The following DGKB variants were observed in gnomAD, a reference collection of about 807,000 sequenced individuals.
The protein encoded by DGKB is diacylglycerol kinase beta.
DGKB carries 67 observed loss-of-function variants against 114.3 expected under a neutral mutation model. That is an observed-to-expected ratio of 0.59 (90% confidence interval 0.48 to 0.72). The LOEUF (loss-of-function observed/expected upper bound fraction) is 0.72, where lower values mean the gene tolerates loss of function less well. Among genes scored for constraint, DGKB ranks in the 30% least tolerant of loss-of-function variants. The probability of loss-of-function intolerance (pLI) is 0.00; values close to 1 mark genes in which losing one functional copy is unlikely to be tolerated. For synonymous variants in DGKB, 398 were observed against 323.1 expected (o/e 1.23, Z -2.49); for missense variants, 907 against 975.2 (o/e 0.93, Z 0.93).
chr7:14,662,212 A>AAAAAT (rs1817264898), intron 13 of DGKB, among the ~76,000 whole-genome samples: 1 of 151,920 alleles, frequency 6.6e-6, no homozygotes, highest in Admixed American at 6.6e-5. Context: ...TAATAATTAA[A>AAAAAT]AAAAATAAAA....
At chr7:14,410,802 AAGAT>A (rs1824747372) in intron 21 of DGKB, among the ~76,000 whole-genome samples, 2 of 11,228 alleles carry the variant, frequency 1.8e-4, no homozygotes, top group South Asian at 4.8e-3. Context: ...AAAATGATAA[AAGAT>A]AAGACTAGAT....
At chr7:14,447,671 G>A (rs765551154) in intron 21 of DGKB, among the ~76,000 whole-genome samples, 29 of 151,908 alleles carry the variant, frequency 1.9e-4, no homozygotes, top group Non-Finnish European at 2.8e-4. Flanking sequence ...AACATGTCCG[G>A]ATCTCACAGA....
chr7:14,661,381 A>G (rs962114907), intron 13 of DGKB, among the ~76,000 whole-genome samples: 1 of 144,716 alleles, frequency 6.9e-6, no homozygotes, highest in African/African-American at 2.5e-5. Context: ...AACCCCATCA[A>G]AAAGTGGGCG....
intron 1 of DGKB, among the ~76,000 whole-genome samples, chr7:14,918,008 C>T (rs537285236): frequency 1.3e-5 from 2 of 152,060 alleles, no homozygotes; most frequent in African/African-American, 4.8e-5. Flanking sequence ...AAAAATTATA[C>T]GATCATATTA....
At chr7:14,526,645 A>T (rs952570882) in intron 20 of DGKB, among the ~76,000 whole-genome samples, 1 of 152,190 alleles carries the variant, frequency 6.6e-6, no homozygotes, top group Non-Finnish European at 1.5e-5. Context: ...AGAGTGCCAT[A>T]GTGAACTGAT....
chr7:14,741,062 C>A (rs937825908), intron 4 of DGKB, among the ~76,000 whole-genome samples: 1 of 152,126 alleles, frequency 6.6e-6, no homozygotes, highest in Non-Finnish European at 1.5e-5. Context: ...GAAAAAAATG[C>A]CTTCTTTGTC....
intron 1 of DGKB, among the ~76,000 whole-genome samples, chr7:14,911,636 A>AG (rs1226633312): frequency 1.3e-5 from 2 of 152,150 alleles, no homozygotes; most frequent in Non-Finnish European, 2.9e-5. Context: ...CCTTTAAAAA[A>AG]CAGACTGGCT....
intron 23 of DGKB, among the ~76,000 whole-genome samples, chr7:14,260,808 A>T (rs576352337): frequency 2.0e-5 from 3 of 152,212 alleles, no homozygotes; most frequent in African/African-American, 7.2e-5. Flanking sequence ...GTTAACATTT[A>T]TATCAGGTAA....
chr7:14,504,192 T>C (rs1053240584), intron 20 of DGKB, among the ~76,000 whole-genome samples: 1 of 152,194 alleles, frequency 6.6e-6, no homozygotes, highest in Admixed American at 6.5e-5. Flanking sequence ...AAATTAAATC[T>C]TTATGCAGAT....
At chr7:14,163,339 A>G (rs2128226921) in intron 25 of DGKB, among the ~76,000 whole-genome samples, 1 of 152,306 alleles carries the variant, frequency 6.6e-6, no homozygotes, top group Middle Eastern at 3.4e-3. Context: ...TGTGTTGTCA[A>G]TTACAAAAAA....
intron 21 of DGKB, among the ~76,000 whole-genome samples, chr7:14,400,940 A>G (rs535464642): frequency 7.2e-5 from 11 of 151,866 alleles, no homozygotes; most frequent in African/African-American, 2.7e-4. Flanking sequence ...CTACCGAGCT[A>G]TCCTTGACTG....
At chr7:14,750,551 G>T (rs1331810106) in intron 4 of DGKB, among the ~76,000 whole-genome samples, 1 of 151,924 alleles carries the variant, frequency 6.6e-6, no homozygotes, top group African/African-American at 2.4e-5. Context: ...TACTTGATTG[G>T]ACTGCTTCCA....
intron 21 of DGKB, among the ~76,000 whole-genome samples, chr7:14,368,738 T>C (rs1276705617): frequency 6.6e-6 from 1 of 152,076 alleles, no homozygotes; most frequent in African/African-American, 2.4e-5. Context: ...CCTTGTATGT[T>C]AGTTTTTACT....
chr7:14,505,212 T>C (rs934525884), intron 20 of DGKB, among the ~76,000 whole-genome samples: 1 of 152,220 alleles, frequency 6.6e-6, no homozygotes, highest in Non-Finnish European at 1.5e-5. Flanking sequence ...CCTACCACTT[T>C]GGTAGGCCAA....
intron 1 of DGKB, among the ~76,000 whole-genome samples, chr7:14,885,884 A>G (rs1318774765): frequency 6.6e-6 from 1 of 151,910 alleles, no homozygotes; most frequent in Non-Finnish European, 1.5e-5. Context: ...GTAGCAAGCT[A>G]AATCTACAGA....
In DGKB at chr7:14,319,670, T is replaced by C. The variant is rs1472380891; in HGVS notation, c.2122+18845A>G. ...TGGGCTAGATGAGCAATAAATGATATGTAGGCTGTAGATCTTATAAGATAA... is the reference window on the plus strand; with the variant it reads ...TGGGCTAGATGAGCAATAAATGATACGTAGGCTGTAGATCTTATAAGATAA... On this transcript the variant is annotated intron_variant, in intron 23 of 25. Transcript: ENST00000402815. Among the ~76,000 whole-genome samples the C allele has an allele frequency of 2.0e-5, 3 of 152,304 alleles. No homozygotes were observed. In the East Asian group the frequency reaches 5.8e-4, roughly 29 times the overall value.
intron 1 of DGKB, among the ~76,000 whole-genome samples, chr7:14,955,919 C>T (rs780699707): frequency 6.6e-6 from 1 of 151,892 alleles, no homozygotes; most frequent in East Asian, 1.9e-4. Flanking sequence ...GATTAACTAC[C>T]TTGTAAGAAC....
intron 3 of DGKB, 151 bp downstream of exon 3, chr7:14,757,504 A>G (rs1292661505): frequency 1.5e-5 from 8 of 517,498 alleles, no homozygotes; most frequent in Non-Finnish European, 2.4e-5. Context: ...ACACATACAC[A>G]TATACATACA....
chr7:14,408,034 T>C (rs992884959), intron 21 of DGKB, among the ~76,000 whole-genome samples: 1 of 152,102 alleles, frequency 6.6e-6, no homozygotes, highest in Admixed American at 6.6e-5. Context: ...ATACTGATAA[T>C]TACTAGTCAT....
Sources: gnomAD v4.1 joint callset for allele counts (sites outside exome capture counted in the v4.1 genomes callset) on GRCh38, gnomAD v4.1.1 for gene constraint, MANE v1.5 for transcripts, NCBI Gene and HGNC (gene_info 2026-07-23, HGNC 2026-07-21) for gene names.